The following ESR1 variants were observed in gnomAD, a reference collection of about 807,000 sequenced individuals.
The protein encoded by ESR1 is estrogen receptor 1, also known as estrogen receptor.
Under a neutral mutation model 52.7 loss-of-function variants are expected in ESR1, and 12 were observed. The observed-to-expected ratio is 0.23, with a 90% CI of 0.15 to 0.37. The LOEUF (loss-of-function observed/expected upper bound fraction) is 0.37. Ranked by LOEUF, ESR1 falls within the 10% of genes least tolerant of loss-of-function variation. ESR1 has a pLI of 1.00. For synonymous variants in ESR1, 305 were observed against 316.8 expected, an observed-to-expected ratio of 0.96 and a Z score of 0.39; for missense variants, 584 against 779.7, an observed-to-expected ratio of 0.75 and a Z score of 2.99.
intron 1 of ESR1, 91 bp from the exon 2 acceptor site, chr6:151,842,506 A>G: frequency 1.8e-6 from 2 of 1,128,116 alleles, no homozygotes; most frequent in Non-Finnish European, 2.6e-6. Context: ...TTATTTCAAA[A>G]TGTCAGGATA....
intron 6 of ESR1, among the ~76,000 whole-genome samples, chr6:152,111,751 C>T (rs1437893355): frequency 6.6e-6 from 1 of 152,106 alleles, no homozygotes; most frequent in African/African-American, 2.4e-5. Flanking sequence ...GTCGCTGTCT[C>T]GGTAGCTGCT....
chr6:151,824,689 G>A (rs144828740), intron 1 of ESR1, among the ~76,000 whole-genome samples: 3 of 152,226 alleles, frequency 2.0e-5, no homozygotes, highest in African/African-American at 7.2e-5. Flanking sequence ...ATAGAATCTG[G>A]TAAAAAAGAG....
intron 5 of ESR1, among the ~76,000 whole-genome samples, chr6:152,017,520 AAG>A (rs1339376071): frequency 6.6e-6 from 1 of 152,262 alleles, no homozygotes; most frequent in African/African-American, 2.4e-5. Flanking sequence ...TAAAGATACT[AAG>A]AATGCCTGTG....
At chr6:151,705,303 A>T (rs1482885864) in intron 2 of ESR1, among the ~76,000 whole-genome samples, 1 of 152,150 alleles carries the variant, frequency 6.6e-6, no homozygotes, top group Non-Finnish European at 1.5e-5. Context: ...ATTTGGTCCC[A>T]AACTGGAGAG....
intron 5 of ESR1, among the ~76,000 whole-genome samples, chr6:152,055,669 C>T (rs557469331): frequency 1.3e-5 from 2 of 152,250 alleles, no homozygotes; most frequent in East Asian, 1.9e-4. Flanking sequence ...CCTGATCTCA[C>T]GTCTTTCTCG....
upstream of ESR1, among the ~76,000 whole-genome samples, chr6:151,801,867 C>T (rs1265681759): frequency 9.9e-5 from 15 of 152,206 alleles, 1 homozygote; most frequent in Admixed American, 9.8e-4. Flanking sequence ...ACTTTGCTGG[C>T]TGGGCCATTG....
At chr6:151,890,921 T>C (rs960662138) in intron 3 of ESR1, among the ~76,000 whole-genome samples, 2 of 152,214 alleles carry the variant, frequency 1.3e-5, no homozygotes, top group South Asian at 2.1e-4. Context: ...TAACAGGGTC[T>C]TGTTTTTTTA....
At chr6:151,912,766 G>T (rs896536489) in intron 3 of ESR1, among the ~76,000 whole-genome samples, 1 of 152,152 alleles carries the variant, frequency 6.6e-6, no homozygotes, top group Non-Finnish European at 1.5e-5. Context: ...CCTGTCCTTT[G>T]CAGGGACATG....
At chr6:152,057,770 A>G (rs765769709) in intron 5 of ESR1, among the ~76,000 whole-genome samples, 4 of 151,968 alleles carry the variant, frequency 2.6e-5, no homozygotes, top group Non-Finnish European at 5.9e-5. Flanking sequence ...ACCATCCCTG[A>G]GGGCACAGTC....
intron 6 of ESR1, among the ~76,000 whole-genome samples, chr6:152,078,414 CTT>C (rs1323789410): frequency 1.2e-4 from 19 of 152,318 alleles, no homozygotes; most frequent in African/African-American, 4.3e-4. Context: ...TAAGACCTCT[CTT>C]TGCAGTGGGT....
intron 2 of ESR1, among the ~76,000 whole-genome samples, chr6:151,784,033 T>G (rs145042942): frequency 1.3e-5 from 2 of 152,226 alleles, no homozygotes; most frequent in Non-Finnish European, 2.9e-5. Context: ...GCATATATTC[T>G]AACAATATGA....
intron 3 of ESR1, among the ~76,000 whole-genome samples, chr6:151,908,288 G>A (rs1237929234): frequency 6.6e-6 from 1 of 151,858 alleles, no homozygotes; most frequent in Non-Finnish European, 1.5e-5. Flanking sequence ...AGATTGACTG[G>A]CTATCTTTTA....
intron 3 of ESR1, among the ~76,000 whole-genome samples, chr6:151,915,411 G>A (rs756332929): frequency 6.5e-4 from 99 of 152,248 alleles, no homozygotes; most frequent in South Asian, 8.3e-4. Flanking sequence ...AGCAACAGGA[G>A]CATTTCCCCC....
chr6:151,856,039 A>G (rs943632780), intron 2 of ESR1, among the ~76,000 whole-genome samples: 4 of 152,200 alleles, frequency 2.6e-5, no homozygotes, highest in Admixed American at 2.6e-4. Flanking sequence ...ATATTCGAAC[A>G]TATTTCTTAT....
At chr6:152,086,218 G>T (rs1280533795) in intron 6 of ESR1, among the ~76,000 whole-genome samples, 1 of 151,992 alleles carries the variant, frequency 6.6e-6, no homozygotes, top group East Asian at 1.9e-4. Flanking sequence ...TGACTGTGGA[G>T]TAGGAAATCC....
intron 5 of ESR1, among the ~76,000 whole-genome samples, chr6:152,035,988 G>A (rs561167712): frequency 1.8e-4 from 27 of 152,196 alleles, no homozygotes; most frequent in Admixed American, 8.5e-4. Flanking sequence ...TCTCAGGGTC[G>A]GGAATTAGGT....
intron 1 of ESR1, among the ~76,000 whole-genome samples, chr6:151,684,144 T>C (rs1778563307): frequency 1.3e-5 from 2 of 151,992 alleles, no homozygotes; most frequent in Admixed American, 1.3e-4. Flanking sequence ...AAGTGGCATG[T>C]GGAGAGATTC....
At chr6:152,035,561 A>G (rs530758529) in intron 5 of ESR1, among the ~76,000 whole-genome samples, 63 of 152,286 alleles carry the variant, frequency 4.1e-4, no homozygotes, top group Admixed American at 5.2e-4. Context: ...TAGCTCATTT[A>G]AAATGTATAT....
At chr6:152,087,895 T>A (rs2152482217) in intron 6 of ESR1, among the ~76,000 whole-genome samples, 1 of 152,292 alleles carries the variant, frequency 6.6e-6, no homozygotes, top group East Asian at 1.9e-4. Flanking sequence ...AATCATCAGG[T>A]TTGGATGGAA....
Sources: gnomAD v4.1 joint callset for allele counts (sites outside exome capture counted in the v4.1 genomes callset) on GRCh38, gnomAD v4.1.1 for gene constraint, MANE v1.5 for transcripts, NCBI Gene and HGNC (gene_info 2026-07-23, HGNC 2026-07-21) for gene names.